ABCC1: variants seen among roughly 807,000 people sequenced by gnomAD.
ABCC1 encodes multidrug resistance-associated protein 1.
A neutral mutation model predicts 172.9 loss-of-function variants in ABCC1; 83 were observed. The ratio of observed to expected loss-of-function variants is 0.48; its 90% CI spans 0.40 to 0.58. The LOEUF is 0.58. Among genes scored for constraint, ABCC1 ranks in the 20% least tolerant of loss-of-function variants. The pLI, the probability that ABCC1 is intolerant of heterozygous loss-of-function variation, is 0.00. For missense variants in ABCC1, 1,817 were observed against 2,002.7 expected (o/e 0.91, Z 1.77); for synonymous variants, 937 against 825.2 (o/e 1.14, Z -2.32).
At chr16:16,086,077 G>A (rs2050993962) in intron 17 of ABCC1, among the ~76,000 whole-genome samples, 1 of 152,166 alleles carries the variant, frequency 6.6e-6, no homozygotes, top group Admixed American at 6.5e-5. Context: ...CATGGCAGCT[G>A]TCACCAACAG....
chr16:16,114,689 C>T, intron 22 of ABCC1, 77 bp from the exon 23 acceptor site: 1 of 1,415,148 alleles, frequency 7.1e-7, no homozygotes, highest in Non-Finnish European at 9.5e-7. Context: ...CTGCCTCGTC[C>T]ACATGGCCAC....
At chr16:16,090,614 C>T (rs763947475) in intron 19 of ABCC1, 26 bp downstream of exon 19, 5 of 1,540,792 alleles carry the variant, frequency 3.2e-6, no homozygotes, top group Non-Finnish European at 4.4e-6. Context: ...GGGTTCCACC[C>T]ACTCAGGGTG....
At chr16:16,139,343 G>A (rs1464471107) in intron 30 of ABCC1, among the ~76,000 whole-genome samples, 1 of 151,942 alleles carries the variant, frequency 6.6e-6, no homozygotes, top group Non-Finnish European at 1.5e-5. Flanking sequence ...CAGGTGCGGT[G>A]GCTCACGGCT....
chr16:16,012,540 G>C (rs75200721), intron 3 of ABCC1, among the ~76,000 whole-genome samples: 1,933 of 139,460 alleles, frequency 0.014, 42 homozygotes, highest in African/African-American at 0.047. Context: ...TTTCCATGTT[G>C]CCCAGGCTAG....
intron 12 of ABCC1, among the ~76,000 whole-genome samples, chr16:16,060,978 A>C (rs1356896263): frequency 1.3e-5 from 2 of 151,838 alleles, no homozygotes; most frequent in African/African-American, 4.8e-5. Flanking sequence ...TACCATGCCC[A>C]GCTAAGTTTT....
intron 10 of ABCC1, among the ~76,000 whole-genome samples, chr16:16,051,699 T>C (rs190808876): frequency 6.6e-6 from 1 of 152,216 alleles, no homozygotes; most frequent in East Asian, 1.9e-4. Context: ...ATAAGCAGCC[T>C]TTGCTTGGCA....
intron 1 of ABCC1, among the ~76,000 whole-genome samples, chr16:15,953,660 C>T (rs1194152478): frequency 6.6e-6 from 1 of 152,136 alleles, no homozygotes; most frequent in African/African-American, 2.4e-5. Flanking sequence ...GCACCAACTG[C>T]CACTGGAGAA....
intron 5 of ABCC1, among the ~76,000 whole-genome samples, chr16:16,024,977 C>T (rs781149208): frequency 6.6e-6 from 1 of 151,976 alleles, no homozygotes; most frequent in Non-Finnish European, 1.5e-5. Context: ...CCAATCTGGT[C>T]AACATAGTGA....
chr16:16,087,671 C>G (rs984421361), intron 18 of ABCC1, among the ~76,000 whole-genome samples: 1 of 152,138 alleles, frequency 6.6e-6, no homozygotes, highest in Non-Finnish European at 1.5e-5. Flanking sequence ...GTTGGTCAGG[C>G]TGGTCTCGAA....
chr16:15,972,718 G>A (rs984631046), intron 1 of ABCC1, among the ~76,000 whole-genome samples: 1 of 151,820 alleles, frequency 6.6e-6, no homozygotes, highest in Non-Finnish European at 1.5e-5. Context: ...GCTTCTCTAG[G>A]AGGAAACAGC....
intron 23 of ABCC1, among the ~76,000 whole-genome samples, chr16:16,117,679 G>A (rs760623038): frequency 2.6e-5 from 4 of 152,226 alleles, no homozygotes; most frequent in Non-Finnish European, 4.4e-5. Context: ...GCCGAGGCGC[G>A]TGTATCACCT....
At chr16:15,999,812 CT>C (rs1326609834) in intron 1 of ABCC1, among the ~76,000 whole-genome samples, 8 of 25,536 alleles carry the variant, frequency 3.1e-4, no homozygotes, top group African/African-American at 1.2e-3. Context: ...TCTCTCTCCT[CT>C]CTCTCTCTCT....
intron 1 of ABCC1, among the ~76,000 whole-genome samples, chr16:16,005,513 A>G (rs2151710593): frequency 6.6e-6 from 1 of 152,162 alleles, no homozygotes; most frequent in East Asian, 1.9e-4. Context: ...ATGCCTGGCT[A>G]GTTTTTTGTA....
At chr16:16,133,877 C>T (rs2045806480) in intron 27 of ABCC1, among the ~76,000 whole-genome samples, 1 of 152,156 alleles carries the variant, frequency 6.6e-6, no homozygotes, top group African/African-American at 2.4e-5. Flanking sequence ...AACCTAGTTC[C>T]TTCAAGAGAG....
At chr16:16,073,168 C>A (rs2050420489) in intron 14 of ABCC1, among the ~76,000 whole-genome samples, 2 of 152,128 alleles carry the variant, frequency 1.3e-5, no homozygotes, top group South Asian at 4.1e-4. Flanking sequence ...GTCCATTACT[C>A]ACCATGGTAC....
chr16:16,091,266 A>G (rs1426722885), intron 19 of ABCC1, among the ~76,000 whole-genome samples: 1 of 151,914 alleles, frequency 6.6e-6, no homozygotes, highest in East Asian at 1.9e-4. Flanking sequence ...TCATCTCTAC[A>G]AAAAATACAA....
chr16:15,970,189 T>A (rs2046334708), intron 1 of ABCC1, among the ~76,000 whole-genome samples: 3 of 152,194 alleles, frequency 2.0e-5, no homozygotes, highest in Admixed American at 2.0e-4. Flanking sequence ...GTGTGGCAGC[T>A]CTGTCCCCAA....
intron 1 of ABCC1, among the ~76,000 whole-genome samples, chr16:16,006,432 A>AG (rs1555480188): frequency 6.6e-6 from 1 of 151,846 alleles, no homozygotes; most frequent in African/African-American, 2.4e-5. Context: ...AAAGAAAAAA[A>AG]AAAGAAAAAT....
chr16:16,060,332 T>C (rs1485833032), intron 12 of ABCC1, among the ~76,000 whole-genome samples: 1 of 152,128 alleles, frequency 6.6e-6, no homozygotes, highest in Non-Finnish European at 1.5e-5. Flanking sequence ...TGAGTTATGT[T>C]CAAGCAGCCC....
Sources: gnomAD v4.1 joint callset for allele counts (sites outside exome capture counted in the v4.1 genomes callset) on GRCh38, gnomAD v4.1.1 for gene constraint, MANE v1.5 for transcripts, NCBI Gene and HGNC (gene_info 2026-07-23, HGNC 2026-07-21) for gene names.